KIF18A: variants seen among roughly 807,000 people sequenced by gnomAD.
The protein encoded by KIF18A is kinesin family member 18A.
A neutral mutation model predicts 103.3 loss-of-function variants in KIF18A; 67 were observed. The ratio of observed to expected loss-of-function variants is 0.65; its 90% CI spans 0.53 to 0.79. The LOEUF is 0.79. Ranked by LOEUF, KIF18A falls within the 30% of genes least tolerant of loss-of-function variation. The pLI is 0.00. For missense variants in KIF18A, 1,032 were observed against 1,062.5 expected, an observed-to-expected ratio of 0.97 and a Z score of 0.40; for synonymous variants, 367 against 355.5, an observed-to-expected ratio of 1.03 and a Z score of -0.36.
chr11:28,084,765 C>A lies in KIF18A; in HGVS notation c.941G>T (p.Arg314Leu), dbSNP rs373694374. 6.2e-7 allele frequency: 1 copy of A among 1,612,930 alleles called. No homozygotes were observed. The highest frequency in any genetic ancestry group is 8.5e-7 in the Non-Finnish European group (1 of 1,179,162). Residue 314 changes from arginine to leucine, a missense_variant, in exon 7 of 17, where the codon CGC (arginine) becomes CTC (leucine). Coordinates refer to ENST00000263181, the MANE Select transcript of KIF18A (RefSeq NM_031217.4). ...HIPYRNSKLT[R>L]LLKDSLGGNC... ...TCCTCCAAGAGAATCCTTTAACAAG[C>A]GAGTAAGCTTACTATTTCTGTAAGG...
chr11:28,107,508 T>A (rs984086195), intron 1 of KIF18A, among the ~76,000 whole-genome samples: 4 of 152,104 alleles, frequency 2.6e-5, no homozygotes, highest in Non-Finnish European at 5.9e-5. Context: ...TCCTCGGCAA[T>A]CCCGTTAGGC....
At chr11:28,032,627 T>A (rs952095698) in intron 15 of KIF18A, among the ~76,000 whole-genome samples, 1 of 151,842 alleles carries the variant, frequency 6.6e-6, no homozygotes, top group African/African-American at 2.4e-5. Flanking sequence ...AAAAAGATAG[T>A]CTCTTCAATA....
rs138741810 is a variant in KIF18A, at chr11:28,036,496, G to A, written c.2117C>T (p.Thr706Ile). 40 of 1,611,318 alleles carry A rather than the reference G, an allele frequency of 2.5e-5. No individual in the cohort carries two copies. The African/African-American group carries it at 3.7e-4, about 15-fold the overall frequency. ...LSKELQPIVY[T>I]PEDCRKAFQN... is the part of the protein sequence containing the mutation. Reference sequence around the variant, plus strand: ...AAAAGCTTTTCTACAGTCTTCTGGTGTATATACAATAGGCTGAAGTTCTTT... The same window carrying A: ...AAAAGCTTTTCTACAGTCTTCTGGTATATATACAATAGGCTGAAGTTCTTT... Residue 706 changes from threonine (T) to isoleucine (I), a missense_variant, in exon 14 of 17, where the codon ACA becomes ATA. Physicochemically the swap from Thr to Ile is moderately conservative, Grantham distance 89 (BLOSUM62 -1). Transcript: ENST00000263181.
intron 13 of KIF18A, among the ~76,000 whole-genome samples, chr11:28,041,891 T>A (rs1291809202): frequency 2.0e-5 from 3 of 151,852 alleles, no homozygotes; most frequent in African/African-American, 7.2e-5. Context: ...CAATGCTCCA[T>A]AAAACCATGA....
chr11:28,029,684 A>G (rs865927775), intron 15 of KIF18A, among the ~76,000 whole-genome samples: 3 of 151,796 alleles, frequency 2.0e-5, no homozygotes, highest in East Asian at 1.9e-4. Context: ...GGCCAGGGCA[A>G]TGAGGCAAGA....
intron 1 of KIF18A, among the ~76,000 whole-genome samples, chr11:28,107,833 C>A (rs774120048): frequency 6.6e-6 from 1 of 152,174 alleles, no homozygotes; most frequent in Non-Finnish European, 1.5e-5. Flanking sequence ...AAGGAGATCC[C>A]TGCCCTTCCA....
intron 13 of KIF18A, among the ~76,000 whole-genome samples, chr11:28,047,179 T>C (rs1049720284): frequency 2.0e-5 from 3 of 152,042 alleles, no homozygotes; most frequent in Middle Eastern, 3.4e-3. Context: ...TATATCTTCC[T>C]AAGGATAGTT....
At chr11:28,102,207 C>T (rs1386436008) in intron 1 of KIF18A, among the ~76,000 whole-genome samples, 1 of 152,124 alleles carries the variant, frequency 6.6e-6, no homozygotes, top group African/African-American at 2.4e-5. Flanking sequence ...ATTTTACAAC[C>T]TGCTCTCTCT....
Position 28,036,429 on chromosome 11 carries a change from A to T in KIF18A, c.2184T>A (p.Phe728Leu), listed in dbSNP as rs764869218. Residue 728 changes from phenylalanine to leucine, a missense_variant, in exon 14 of 17, where the codon TTT (phenylalanine) becomes TTA (leucine). Coordinates refer to ENST00000263181, the MANE Select transcript of KIF18A (RefSeq NM_031217.4). ...STVTLMKPSS[F>L]TTSFQAISSN... Reference sequence around the variant, plus strand: ...AGCTGATAGCCTGAAAACTTGTAGTAAATGATGATGGTTTCATTAAGGTTA... The same window carrying T: ...AGCTGATAGCCTGAAAACTTGTAGTTAATGATGATGGTTTCATTAAGGTTA... 1.2e-6 allele frequency: 2 copies of T among 1,611,020 alleles called. No homozygotes were observed. Among genetic ancestry groups the T allele is most frequent in the Admixed American group, 3.3e-5 (2 of 59,702 alleles).
At chr11:28,030,692 A>C (rs2133488910) in intron 15 of KIF18A, among the ~76,000 whole-genome samples, 1 of 151,014 alleles carries the variant, frequency 6.6e-6, no homozygotes, top group South Asian at 2.1e-4. Flanking sequence ...GGATCTAATT[A>C]AACTAAAGAG....
chr11:28,023,807 A>G lies in KIF18A; in HGVS notation c.2548T>C (p.Phe850Leu), dbSNP rs746647574. 5.0e-6 allele frequency: 8 copies of G among 1,613,270 alleles called. No homozygotes were observed. The South Asian group carries it at 5.5e-5, about 11-fold the overall frequency. ...SSLTADVNSG[F>L]AKRVRQDNSS... is the part of the protein sequence containing the mutation. ...TTATCTTGTCGAACACGTTTGGCAAATCCAGAATTTACGTCTGCAGTTAAC... is the reference window on the plus strand; with the variant it reads ...TTATCTTGTCGAACACGTTTGGCAAGTCCAGAATTTACGTCTGCAGTTAAC... The change falls in exon 16 of 17, where the codon TTT becomes CTT. Residue 850 changes from phenylalanine (F) to leucine (L), a missense_variant. Physicochemically the swap from Phe to Leu is conservative, Grantham distance 22 (BLOSUM62 0). Transcript: ENST00000263181.
intron 13 of KIF18A, among the ~76,000 whole-genome samples, chr11:28,051,279 T>TA (rs529255802): frequency 6.6e-5 from 10 of 151,614 alleles, no homozygotes; most frequent in South Asian, 2.1e-4. Flanking sequence ...GCATACTATA[T>TA]AAAAAAAACT....
intron 11 of KIF18A, among the ~76,000 whole-genome samples, chr11:28,064,698 T>C (rs1307108627): frequency 2.6e-5 from 4 of 152,098 alleles, no homozygotes; most frequent in African/African-American, 7.2e-5. Context: ...GATTGTATAA[T>C]TGTATTAGTA....
intron 6 of KIF18A, among the ~76,000 whole-genome samples, chr11:28,085,243 C>G (rs1179584758): frequency 6.6e-6 from 1 of 152,066 alleles, no homozygotes; most frequent in Non-Finnish European, 1.5e-5. Flanking sequence ...ACACCCATTA[C>G]TTAGAAGACC....
At chr11:28,091,629 C>T in intron 3 of KIF18A, 116 bp from the exon 4 acceptor site, 3 of 524,254 alleles carry the variant, frequency 5.7e-6, no homozygotes, top group East Asian at 6.5e-5. Context: ...CAAGCAGCAC[C>T]TCACTTTTAT....
intron 15 of KIF18A, among the ~76,000 whole-genome samples, chr11:28,032,788 C>G (rs1850428309): frequency 6.6e-6 from 1 of 151,850 alleles, no homozygotes; most frequent in Non-Finnish European, 1.5e-5. Context: ...TGGGGAAACT[C>G]TCCAGGACAC....
At chr11:28,075,779 T>G (rs886285443) in intron 10 of KIF18A, among the ~76,000 whole-genome samples, 8 of 152,142 alleles carry the variant, frequency 5.3e-5, no homozygotes, top group African/African-American at 1.9e-4. Context: ...AGAGGCTGAT[T>G]TTTGCATTGC....
At chr11:28,101,631 A>T (rs1016075636) in intron 1 of KIF18A, among the ~76,000 whole-genome samples, 1 of 152,188 alleles carries the variant, frequency 6.6e-6, no homozygotes, top group Non-Finnish European at 1.5e-5. Context: ...CACACTTAGA[A>T]CAATACTTTG....
At chr11:28,091,305 G>GT (rs991713113) in intron 4 of KIF18A, 104 bp downstream of exon 4, 33 of 618,936 alleles carry the variant, frequency 5.3e-5, no homozygotes, top group South Asian at 1.7e-4. Flanking sequence ...TACCTCATTA[G>GT]TTTTTTTTCT....
Sources: allele counts gnomAD v4.1 joint callset (sites outside exome capture counted in the v4.1 genomes callset), GRCh38; gene constraint gnomAD v4.1.1; transcripts MANE v1.5; gene names NCBI Gene and HGNC (gene_info 2026-07-23, HGNC 2026-07-21).